The following FZD6 variants were observed in gnomAD, a reference collection of about 807,000 sequenced individuals.
The protein encoded by FZD6 is frizzled class receptor 6.
In FZD6, 49 loss-of-function variants were observed where a neutral mutation model predicts 61.4. That is an observed-to-expected ratio of 0.80 (90% CI 0.63 to 1.01). The LOEUF is 1.01. Among genes scored for constraint, FZD6 ranks in the 50% least tolerant of loss-of-function variants. The probability of loss-of-function intolerance (pLI) is 0.00; values close to 1 mark genes in which losing one functional copy is unlikely to be tolerated. For missense variants in FZD6, 724 were observed against 848.2 expected, an observed-to-expected ratio of 0.85 and a Z score of 1.82; for synonymous variants, 265 against 292.2, an observed-to-expected ratio of 0.91 and a Z score of 0.95.
In FZD6 at chr8:103,324,631, T is replaced by C; in HGVS notation, c.525T>C (p.Phe175=). ...LKTSGGQGYK[F]LGIDQCAPPC... ...CTTCTGGGGGACAAGGATATAAGTT[T>C]CTGGGAATTGACCAGTGTGCGCCTC... is the stretch of plus-strand genomic sequence containing the variant. Residue 175 remains phenylalanine (F), a synonymous_variant, in exon 4 of 7, where the codon TTT becomes TTC. Coordinates refer to ENST00000358755, the MANE Select transcript of FZD6 (RefSeq NM_003506.4). 1.9e-6 allele frequency: 3 copies of C among 1,614,206 alleles called. No individual in the cohort carries two copies. The highest frequency in any genetic ancestry group is 2.5e-6 in the Non-Finnish European group (3 of 1,180,028).
At chr8:103,318,473 A>T (rs1814691442) in intron 2 of FZD6, 117 bp from the exon 3 acceptor site, 2 of 700,180 alleles carry the variant, frequency 2.9e-6, no homozygotes, top group African/African-American at 1.8e-5. Flanking sequence ...ATAGAGGGAG[A>T]TTTAAAGATT....
rs1815138207 is a variant in FZD6, at chr8:103,331,652, C to G, written c.*143C>G. The G allele has an allele frequency of 1.5e-6, 1 of 687,550 alleles. No individual in the cohort carries two copies. The highest frequency in any genetic ancestry group is 2.8e-5 in the East Asian group (1 of 36,236). The allele number at this position is 687,550 out of a possible 1,614,324, so 42.6% of individuals were successfully genotyped here. On this transcript the variant is annotated 3_prime_UTR_variant, in exon 7 of 7. Transcript: ENST00000358755. ...CTGTTATACTGGAAAAAATAGAGTT[C>G]AAGAATAATATGACTCATTTCACAC...
chr8:103,300,147 C>A lies in FZD6; in HGVS notation c.40C>A (p.Pro14Thr). Reference protein sequence around the residue: ...FTFLLTCIFLPLLRGHSLFTC... With the variant: ...FTFLLTCIFLTLLRGHSLFTC... The stretch of plus-strand genomic sequence containing the variant: ...ATTTTTGTTGACGTGTATTTTTCTA[C>A]CCCTCCTAAGAGGGCACAGTCTCTT... The change falls in exon 2 of 7, where the codon CCC (proline) becomes ACC (threonine). Residue 14 changes from proline (P) to threonine (T), a missense_variant. Coordinates refer to ENST00000358755, the MANE Select transcript of FZD6 (RefSeq NM_003506.4). 3 of 1,603,192 alleles carry A rather than the reference C, an allele frequency of 1.9e-6. No homozygotes were observed. The highest frequency in any genetic ancestry group is 2.6e-6 in the Non-Finnish European group (3 of 1,170,020).
chr8:103,312,783 C>T (rs1037093352), intron 2 of FZD6, among the ~76,000 whole-genome samples: 10 of 152,286 alleles, frequency 6.6e-5, no homozygotes, highest in Non-Finnish European at 1.3e-4. Context: ...TGAAAGTACT[C>T]CATATGATGG....
At chr8:103,318,543 A>C in intron 2 of FZD6, 47 bp from the exon 3 acceptor site, 2 of 1,043,694 alleles carry the variant, frequency 1.9e-6, no homozygotes, top group Non-Finnish European at 3.0e-6. Context: ...AATTTTATTC[A>C]TTTGTTATTA....
At chr8:103,311,428 C>G (rs1014010893) in intron 2 of FZD6, among the ~76,000 whole-genome samples, 1 of 152,102 alleles carries the variant, frequency 6.6e-6, no homozygotes, top group Non-Finnish European at 1.5e-5. Context: ...AATATTCACT[C>G]TAGAGCACAG....
rs750613302 is a variant in FZD6 at position 103,330,007 on chromosome 8, C to T, written c.1894C>T (p.Gln632Ter). 1 of 1,614,008 alleles carries T rather than the reference C, an allele frequency of 6.2e-7. No homozygotes were observed. The highest frequency in any genetic ancestry group is 8.5e-7 in the Non-Finnish European group (1 of 1,179,890). The change falls in exon 6 of 7, where the codon CAG becomes TAG. Residue 632 changes from glutamine to a stop codon, truncating the protein, a stop_gained. Coordinates refer to ENST00000358755, the MANE Select transcript of FZD6 (RefSeq NM_003506.4). LOFTEE classifies it high-confidence loss of function. ...AASISRLSGE[Q>*]VDGKGQAGSV... ...ATCCATCTCCAGACTCTCTGGGGAA[C>T]AGGTCGACGGGAAGGGCCAGGCAGG...
At chr8:103,300,732 T>A (rs762765848) in intron 2 of FZD6, among the ~76,000 whole-genome samples, 10 of 152,202 alleles carry the variant, frequency 6.6e-5, no homozygotes, top group Non-Finnish European at 1.3e-4. Context: ...AAATAAATTA[T>A]CAGAATATTT....
chr8:103,304,586 A>G (rs1246153095), intron 2 of FZD6, among the ~76,000 whole-genome samples: 1 of 152,234 alleles, frequency 6.6e-6, no homozygotes, highest in African/African-American at 2.4e-5. Flanking sequence ...TCTCCGTCAC[A>G]GCTATTCAAC....
In FZD6 at chr8:103,329,883, A is replaced by G. The variant is rs1815071606; in HGVS notation, c.1770A>G (p.Gln590=). Residue 590 remains glutamine, a synonymous_variant, in exon 6 of 7, where the codon CAA becomes CAG. Transcript: ENST00000358755. The part of the protein sequence containing the change: ...YLGQETLTEI[Q]TSPETSMREV... ...GACAAGAAACTTTGACAGAAATCCA[A>G]ACCTCACCAGAAACATCAATGAGAG... The G allele has an allele frequency of 4.3e-6, 7 of 1,614,170 alleles. No individual in the cohort carries two copies. The highest frequency in any genetic ancestry group is 2.2e-5 in the South Asian group (2 of 91,088).
At chr8:103,301,763 C>CT (rs1814178275) in intron 2 of FZD6, among the ~76,000 whole-genome samples, 1 of 152,120 alleles carries the variant, frequency 6.6e-6, no homozygotes, top group Admixed American at 6.5e-5. Context: ...CACCTAGACT[C>CT]AAGAGAGATG....
intron 2 of FZD6, among the ~76,000 whole-genome samples, chr8:103,316,192 GT>G (rs1814621369): frequency 6.6e-6 from 1 of 152,106 alleles, no homozygotes; most frequent in African/African-American, 2.4e-5. Context: ...TAACACAGTA[GT>G]TGTATTTTCA....
Position 103,311,217 on chromosome 8 carries a change from ACTGAT to A in FZD6, c.178-7371_178-7367del, listed in dbSNP as rs1329261693. Among the ~76,000 whole-genome samples, 3 of 152,288 alleles carry A rather than the reference ACTGAT, an allele frequency of 2.0e-5. No individual in the cohort carries two copies. In the East Asian group the frequency reaches 5.8e-4, roughly 29 times the overall value. ...TGCTTATTTGGCCACTGCAAGGATTACTGATCGCATTGCAGCTTCCTCAAATAATC... is the reference window on the plus strand; with the variant it reads ...TGCTTATTTGGCCACTGCAAGGATTACGCATTGCAGCTTCCTCAAATAATC... On this transcript the variant is annotated intron_variant, in intron 2 of 6. Coordinates refer to ENST00000358755, the MANE Select transcript of FZD6 (RefSeq NM_003506.4).
At chr8:103,331,034 G>A (rs1168600114) in intron 6 of FZD6, among the ~76,000 whole-genome samples, 8 of 152,080 alleles carry the variant, frequency 5.3e-5, no homozygotes, top group South Asian at 2.1e-4. Context: ...AAAATTAGCC[G>A]GGTGTGGTGG....
At chr8:103,300,336 A>C (rs1389624509) in intron 2 of FZD6, 52 bp downstream of exon 2, 1 of 1,199,280 alleles carries the variant, frequency 8.3e-7, no homozygotes, top group South Asian at 1.2e-5. Context: ...TCTGTTCTAG[A>C]ATAAACTAGT....
intron 4 of FZD6, among the ~76,000 whole-genome samples, chr8:103,327,985 A>G (rs1479657274): frequency 1.3e-5 from 2 of 152,194 alleles, no homozygotes; most frequent in East Asian, 3.8e-4. Context: ...TACTGTATCT[A>G]TCGAGAAAAA....
At chr8:103,317,429 T>G (rs1473558209) in intron 2 of FZD6, among the ~76,000 whole-genome samples, 1 of 152,158 alleles carries the variant, frequency 6.6e-6, no homozygotes, top group Non-Finnish European at 1.5e-5. Flanking sequence ...GACTGTAAGA[T>G]TAGCAAGTGT....
rs901847850 is a variant in FZD6 at position 103,318,769 on chromosome 8, G to A, written c.357G>A (p.Glu119=). 1 of 1,602,234 alleles carries A rather than the reference G, an allele frequency of 6.2e-7. No homozygotes were observed. Among genetic ancestry groups the A allele is most frequent in the Non-Finnish European group, 8.6e-7 (1 of 1,169,374 alleles). ...ACACTTTTGGGATCCGATGGCCTGA[G>A]GAGCTTGAATGTGACAGGTAAACAA... ...LIDTFGIRWP[E]ELECDRLQYC... The change falls in exon 3 of 7, where the codon GAG becomes GAA. Residue 119 remains glutamate (E), a synonymous_variant. Coordinates refer to ENST00000358755, the MANE Select transcript of FZD6 (RefSeq NM_003506.4).
At chr8:103,328,899 C>T (rs914309480) in intron 5 of FZD6, among the ~76,000 whole-genome samples, 3 of 150,534 alleles carry the variant, frequency 2.0e-5, no homozygotes, top group African/African-American at 7.3e-5. Context: ...TCTTATTACA[C>T]ACAGCTATGA....
Sources: allele counts gnomAD v4.1 joint callset (sites outside exome capture counted in the v4.1 genomes callset), GRCh38; gene constraint gnomAD v4.1.1; transcripts MANE v1.5; gene names NCBI Gene and HGNC (gene_info 2026-07-23, HGNC 2026-07-21).